The following TBC1D23 variants were observed in gnomAD, a reference collection of about 807,000 sequenced individuals.
The protein encoded by TBC1D23 is HCV non-structural protein 4A-transactivated protein 1.
Under a neutral mutation model 91.4 loss-of-function variants are expected in TBC1D23, and 55 were observed. That is an observed-to-expected ratio of 0.60 (90% CI 0.48 to 0.75). The LOEUF is 0.75. Ranked by LOEUF, TBC1D23 falls within the 30% of genes least tolerant of loss-of-function variation. The pLI, the probability that TBC1D23 is intolerant of heterozygous loss-of-function variation, is 0.00. For synonymous variants in TBC1D23, 289 were observed against 281.0 expected (o/e 1.03, Z -0.28); for missense variants, 725 against 836.1 (o/e 0.87, Z 1.64).
intron 5 of TBC1D23, among the ~76,000 whole-genome samples, chr3:100,293,369 G>A (rs2067810000): frequency 6.6e-6 from 1 of 152,026 alleles, no homozygotes; most frequent in Non-Finnish European, 1.5e-5. Flanking sequence ...TCCTGACCTC[G>A]TGATCCACCC....
At chr3:100,274,868 T>G (rs1394842708) in intron 1 of TBC1D23, among the ~76,000 whole-genome samples, 1 of 148,812 alleles carries the variant, frequency 6.7e-6, no homozygotes, top group Non-Finnish European at 1.5e-5. Flanking sequence ...GTTTATTAAT[T>G]ACATATATCT....
At chr3:100,309,610 C>CTTTTTTT (rs71132518) in intron 13 of TBC1D23, among the ~76,000 whole-genome samples, 24,156 of 114,632 alleles carry the variant, frequency 0.21, 2,528 homozygotes, top group East Asian at 0.3. Flanking sequence ...ATTCTACCTT[C>CTTTTTTT]TTTTTTTTTT....
intron 16 of TBC1D23, among the ~76,000 whole-genome samples, chr3:100,317,579 T>A (rs1399694534): frequency 6.6e-6 from 1 of 152,186 alleles, no homozygotes; most frequent in African/African-American, 2.4e-5. Flanking sequence ...GGAATCACAT[T>A]TGACATTTTA....
chr3:100,285,402 A>G (rs1399441689), intron 4 of TBC1D23, among the ~76,000 whole-genome samples: 1 of 152,136 alleles, frequency 6.6e-6, no homozygotes, highest in Non-Finnish European at 1.5e-5. Context: ...TTCATATTGT[A>G]TCATATATCT....
In TBC1D23 at chr3:100,290,655, A is replaced by G. The variant is rs1399000398; in HGVS notation, c.554A>G (p.Tyr185Cys). 3 of 1,613,244 alleles carry G rather than the reference A, an allele frequency of 1.9e-6. No individual in the cohort carries two copies. The highest frequency in any genetic ancestry group is 2.5e-6 in the Non-Finnish European group (3 of 1,179,364). Residue 185 changes from tyrosine (Y) to cysteine (C), a missense_variant, in exon 5 of 19, where the codon TAT (tyrosine) becomes TGT (cysteine). By Grantham distance (194) the Tyr-to-Cys change is radical. Transcript: ENST00000394144. ...IQYHEPELCS[Y>C]LDTKKITPDS... is the part of the protein sequence containing the mutation. ...TACCATGAGCCTGAGCTTTGTTCTT[A>G]TCTTGATACAAAGAAAATTACTCCA...
intron 4 of TBC1D23, among the ~76,000 whole-genome samples, chr3:100,287,611 T>C (rs1325636473): frequency 6.6e-6 from 1 of 152,198 alleles, no homozygotes; most frequent in African/African-American, 2.4e-5. Context: ...AGTATGAATC[T>C]AGTTCTGTGT....
chr3:100,304,201 C>T (rs1173544587), intron 11 of TBC1D23, among the ~76,000 whole-genome samples: 1 of 152,114 alleles, frequency 6.6e-6, no homozygotes, highest in Non-Finnish European at 1.5e-5. Context: ...CTGGATTTTG[C>T]TGATTACATT....
chr3:100,279,158 C>A (rs1184721188), intron 1 of TBC1D23, among the ~76,000 whole-genome samples: 1 of 152,160 alleles, frequency 6.6e-6, no homozygotes, highest in East Asian at 1.9e-4. Flanking sequence ...CTTTTTAATA[C>A]CAATGAAGTT....
intron 2 of TBC1D23, 142 bp downstream of exon 2, chr3:100,279,902 T>A: frequency 1.8e-6 from 1 of 562,408 alleles, no homozygotes; most frequent in Non-Finnish European, 3.3e-6. Flanking sequence ...AGCAGCTTAT[T>A]AAAATGTTTG....
intron 4 of TBC1D23, among the ~76,000 whole-genome samples, chr3:100,290,133 G>A (rs1217152091): frequency 6.6e-6 from 1 of 152,134 alleles, no homozygotes; most frequent in Non-Finnish European, 1.5e-5. Context: ...CATTATTTCT[G>A]AAATGTTCAC....
chr3:100,261,168 G>A, intron 1 of TBC1D23, 97 bp downstream of exon 1: 3 of 1,250,592 alleles, frequency 2.4e-6, no homozygotes, highest in Non-Finnish European at 3.5e-6. Context: ...GGCATGGAAC[G>A]GAGAGGCCGG....
chr3:100,285,099 T>G (rs1337663783), intron 4 of TBC1D23, among the ~76,000 whole-genome samples: 1 of 152,204 alleles, frequency 6.6e-6, no homozygotes, highest in Non-Finnish European at 1.5e-5. Context: ...CTGAAGCACT[T>G]TTTCTTTTTT....
intron 1 of TBC1D23, among the ~76,000 whole-genome samples, chr3:100,265,906 A>G (rs964089582): frequency 5.3e-5 from 8 of 152,324 alleles, no homozygotes; most frequent in East Asian, 1.9e-4. Context: ...AAATAGTACT[A>G]TCAGTGTTCC....
At chr3:100,269,614 A>G (rs1040204753) in intron 1 of TBC1D23, among the ~76,000 whole-genome samples, 1 of 152,250 alleles carries the variant, frequency 6.6e-6, no homozygotes, top group African/African-American at 2.4e-5. Flanking sequence ...AGCTCCATGC[A>G]TATCTACTGT....
chr3:100,293,224 C>G (rs2067808256), intron 5 of TBC1D23, among the ~76,000 whole-genome samples: 1 of 152,178 alleles, frequency 6.6e-6, no homozygotes. Flanking sequence ...AGCTCCGCCT[C>G]CTGGGTTCAC....
At chr3:100,288,456 C>T (rs1032158461) in intron 4 of TBC1D23, among the ~76,000 whole-genome samples, 8 of 152,090 alleles carry the variant, frequency 5.3e-5, no homozygotes, top group Non-Finnish European at 8.8e-5. Flanking sequence ...GTCTTAGCTC[C>T]ATCACTTCTT....
intron 5 of TBC1D23, among the ~76,000 whole-genome samples, chr3:100,294,265 A>ATT (rs775757936): frequency 5.6e-5 from 8 of 143,522 alleles, no homozygotes; most frequent in East Asian, 2.0e-4. Context: ...TTTTGTGTTT[A>ATT]TTTTTTTTTT....
intron 1 of TBC1D23, among the ~76,000 whole-genome samples, chr3:100,275,862 T>C (rs1027520887): frequency 6.6e-6 from 1 of 152,188 alleles, no homozygotes; most frequent in Non-Finnish European, 1.5e-5. Context: ...CATGCTACAT[T>C]ATGGATAGAT....
At chr3:100,293,398 G>T (rs1446851015) in intron 5 of TBC1D23, among the ~76,000 whole-genome samples, 1 of 152,222 alleles carries the variant, frequency 6.6e-6, no homozygotes, top group Non-Finnish European at 1.5e-5. Context: ...CTCCCAAAGT[G>T]CTGGGATTAC....
Sources: allele counts gnomAD v4.1 joint callset (sites outside exome capture counted in the v4.1 genomes callset), GRCh38; gene constraint gnomAD v4.1.1; transcripts MANE v1.5; gene names NCBI Gene and HGNC (gene_info 2026-07-23, HGNC 2026-07-21).